THSD4: variants seen among roughly 807,000 people sequenced by gnomAD.
THSD4 encodes the protein thrombospondin type-1 domain-containing protein 4.
THSD4 carries 69 observed loss-of-function variants against 119.0 expected under a neutral mutation model. That is an observed-to-expected ratio of 0.58 (90% CI 0.48 to 0.71). THSD4 has a LOEUF of 0.71. Ranked by LOEUF, THSD4 falls within the 30% of genes least tolerant of loss-of-function variation. The pLI is 0.00. For synonymous variants in THSD4, 524 were observed against 540.4 expected, an observed-to-expected ratio of 0.97 and a Z score of 0.42; for missense variants, 1,393 against 1,391.1, an observed-to-expected ratio of 1.00 and a Z score of -0.02.
chr15:71,746,728 ACT>A, intron 12 of THSD4, 108 bp from the exon 13 acceptor site: 2 of 1,195,960 alleles, frequency 1.7e-6, no homozygotes, highest in Admixed American at 1.8e-5. Flanking sequence ...CTAGTAAGAA[ACT>A]CTACCCATAG....
intron 6 of THSD4, among the ~76,000 whole-genome samples, chr15:71,364,193 C>T (rs554313221): frequency 6.6e-6 from 1 of 152,236 alleles, no homozygotes; most frequent in Non-Finnish European, 1.5e-5. Context: ...GAAAAGGCAG[C>T]ATGATGGCGT....
rs532860607 is a variant in THSD4, at chr15:71,369,148, C to G, written c.1016-42539C>G. On this transcript the variant is annotated intron_variant, in intron 6 of 17. Transcript: ENST00000261862. Reference sequence around the variant, plus strand: ...ATTGATTTTGTATCCTAAGACTTTGCTGAAGTTGCTTATCAGCTTAAGGAG... The same window carrying G: ...ATTGATTTTGTATCCTAAGACTTTGGTGAAGTTGCTTATCAGCTTAAGGAG... 9.8e-5 allele frequency among the ~76,000 whole-genome samples: 15 copies of G among 152,314 alleles called. No homozygotes were observed. The East Asian group carries it at 2.9e-3, about 29-fold the overall frequency.
intron 13 of THSD4, among the ~76,000 whole-genome samples, chr15:71,747,388 G>A (rs1194901148): frequency 1.3e-5 from 2 of 152,202 alleles, no homozygotes; most frequent in African/African-American, 4.8e-5. Flanking sequence ...TGAAAAGACT[G>A]AGGCCTGGAA....
chr15:71,655,483 G>T (rs1377701650), intron 7 of THSD4, among the ~76,000 whole-genome samples: 1 of 152,154 alleles, frequency 6.6e-6, no homozygotes, highest in Admixed American at 6.5e-5. Context: ...ACTTAAAAGT[G>T]AATAGACTTC....
chr15:71,186,509 T>C (rs1338610246), intron 3 of THSD4: 2 of 152,246 alleles, frequency 1.3e-5, no homozygotes, highest in Non-Finnish European at 2.9e-5. Flanking sequence ...TTGAAGTGGT[T>C]GTTCCAGTGA....
chr15:71,522,841 G>A (rs943716157), intron 7 of THSD4, among the ~76,000 whole-genome samples: 1 of 152,180 alleles, frequency 6.6e-6, no homozygotes, highest in African/African-American at 2.4e-5. Context: ...TTGTATACCT[G>A]GAAGGTGAAA....
At chr15:71,411,935 G>C in intron 7 of THSD4, 112 bp downstream of exon 7, 1 of 1,421,522 alleles carries the variant, frequency 7.0e-7, no homozygotes, top group Non-Finnish European at 9.6e-7. Flanking sequence ...CCACGTCAGG[G>C]CCACTCAACC....
intron 6 of THSD4, among the ~76,000 whole-genome samples, chr15:71,269,452 G>A (rs1174450601): frequency 6.6e-6 from 1 of 152,008 alleles, no homozygotes; most frequent in Non-Finnish European, 1.5e-5. Flanking sequence ...ACGTATCTCA[G>A]AATATTAAGA....
chr15:71,531,488 C>T (rs569616454), intron 7 of THSD4, among the ~76,000 whole-genome samples: 1 of 152,268 alleles, frequency 6.6e-6, no homozygotes, highest in East Asian at 1.9e-4. Context: ...AAAATGCAGT[C>T]AGTAAGATTC....
intron 1 of THSD4, among the ~76,000 whole-genome samples, chr15:71,120,910 A>C (rs969616823): frequency 6.6e-6 from 1 of 152,190 alleles, no homozygotes; most frequent in African/African-American, 2.4e-5. Flanking sequence ...CAGCCATGTG[A>C]CTACAGGGGT....
At chr15:71,725,698 G>A (rs2141121676) in intron 8 of THSD4, among the ~76,000 whole-genome samples, 1 of 152,290 alleles carries the variant, frequency 6.6e-6, no homozygotes, top group African/African-American at 2.4e-5. Context: ...GTCTTGGTGA[G>A]CTAATTTTAA....
At chr15:71,243,367 A>G (rs1290273580) in intron 5 of THSD4, among the ~76,000 whole-genome samples, 3 of 151,960 alleles carry the variant, frequency 2.0e-5, no homozygotes, top group Non-Finnish European at 4.4e-5. Context: ...ATTAACAGCT[A>G]TTGCTGCAAA....
At chr15:71,164,874 T>G (rs2043280079) in intron 3 of THSD4, 4 of 1,567,094 alleles carry the variant, frequency 2.6e-6, no homozygotes, top group Admixed American at 3.8e-5. Flanking sequence ...TTCTTTTTCT[T>G]GCTTTTTTCA....
At chr15:71,551,373 G>C (rs952190131) in intron 7 of THSD4, among the ~76,000 whole-genome samples, 2 of 151,268 alleles carry the variant, frequency 1.3e-5, no homozygotes, top group Admixed American at 1.3e-4. Flanking sequence ...ATGCAATAAG[G>C]GTCTCTCATT....
intron 1 of THSD4, among the ~76,000 whole-genome samples, chr15:71,121,226 G>C (rs2040406631): frequency 6.6e-6 from 1 of 152,190 alleles, no homozygotes; most frequent in South Asian, 2.1e-4. Flanking sequence ...GCCAGGTCCT[G>C]AGTTTGAGCC....
chr15:71,245,791 G>A (rs150894155), intron 5 of THSD4, among the ~76,000 whole-genome samples: 6 of 152,276 alleles, frequency 3.9e-5, no homozygotes, highest in African/African-American at 9.6e-5. Flanking sequence ...TTTTAGGCAC[G>A]GTGAGCCACT....
At chr15:71,313,361 C>G (rs1299961305) in intron 6 of THSD4, among the ~76,000 whole-genome samples, 1 of 152,176 alleles carries the variant, frequency 6.6e-6, no homozygotes, top group Non-Finnish European at 1.5e-5. Context: ...CAAGATGCTC[C>G]AGGTTCATGT....
chr15:71,440,329 C>CT (rs2140554069), intron 7 of THSD4, among the ~76,000 whole-genome samples: 1 of 152,230 alleles, frequency 6.6e-6, no homozygotes, highest in East Asian at 1.9e-4. Context: ...TTTTTATATC[C>CT]TTTGAGTTTC....
intron 7 of THSD4, among the ~76,000 whole-genome samples, chr15:71,450,599 A>G (rs908652995): frequency 2.6e-5 from 4 of 152,252 alleles, no homozygotes; most frequent in African/African-American, 9.6e-5. Flanking sequence ...AGTATAAATT[A>G]GTGACAAATT....
Sources: gnomAD v4.1 joint callset for allele counts (sites outside exome capture counted in the v4.1 genomes callset) on GRCh38, gnomAD v4.1.1 for gene constraint, MANE v1.5 for transcripts, NCBI Gene and HGNC (gene_info 2026-07-23, HGNC 2026-07-21) for gene names.